The following ANKFN1 variants were observed in gnomAD, a reference collection of about 807,000 sequenced individuals.
ANKFN1 encodes the protein ankyrin repeat and fibronectin type-III domain-containing protein 1.
In ANKFN1, 74 loss-of-function variants were observed where a neutral mutation model predicts 108.7. The ratio of observed to expected loss-of-function variants is 0.68; its 90% CI spans 0.56 to 0.83. ANKFN1 has a LOEUF of 0.83. Ranked by LOEUF, ANKFN1 falls within the 40% of genes least tolerant of loss-of-function variation. The pLI, the probability that ANKFN1 is intolerant of heterozygous loss-of-function variation, is 0.00. For synonymous variants in ANKFN1, 547 were observed against 516.2 expected (o/e 1.06, Z -0.81); for missense variants, 1,505 against 1,382.3 (o/e 1.09, Z -1.41).
intron 11 of ANKFN1, among the ~76,000 whole-genome samples, chr17:56,450,102 G>A (rs575908164): frequency 3.3e-5 from 5 of 152,252 alleles, no homozygotes; most frequent in South Asian, 4.1e-4. Context: ...TCCATTGTGC[G>A]CTGTAGATTT....
intron 1 of ANKFN1, among the ~76,000 whole-genome samples, chr17:56,208,290 G>C (rs1406716900): frequency 1.3e-5 from 2 of 152,164 alleles, no homozygotes; most frequent in Non-Finnish European, 2.9e-5. Context: ...CAAAGTGCTG[G>C]GATTACAGGC....
intron 18 of ANKFN1, among the ~76,000 whole-genome samples, chr17:56,490,206 T>C (rs1360360757): frequency 1.3e-5 from 2 of 152,094 alleles, no homozygotes; most frequent in Non-Finnish European, 2.9e-5. Flanking sequence ...TACAATGTAG[T>C]AGGATAAGTG....
At chr17:56,155,805 T>A (rs982791667) in intron 1 of ANKFN1, among the ~76,000 whole-genome samples, 15 of 152,318 alleles carry the variant, frequency 9.8e-5, no homozygotes, top group African/African-American at 3.4e-4. Flanking sequence ...GGGAAGCCAT[T>A]GGATAAATTT....
intron 3 of ANKFN1, among the ~76,000 whole-genome samples, chr17:56,237,837 T>C (rs1023288215): frequency 6.6e-6 from 1 of 152,170 alleles, no homozygotes; most frequent in African/African-American, 2.4e-5. Flanking sequence ...TGGCTTTCTC[T>C]TGCTTCTCTA....
At chr17:56,285,563 G>A (rs995257409) in intron 3 of ANKFN1, among the ~76,000 whole-genome samples, 2 of 152,116 alleles carry the variant, frequency 1.3e-5, no homozygotes, top group Admixed American at 1.3e-4. Flanking sequence ...GCAGTATAAT[G>A]CTGACATGTT....
chr17:56,415,999 CTG>C (rs1201149084), intron 8 of ANKFN1, among the ~76,000 whole-genome samples: 1 of 152,164 alleles, frequency 6.6e-6, no homozygotes, highest in African/African-American at 2.4e-5. Flanking sequence ...GCTGGGGAAA[CTG>C]GGTATTTATA....
chr17:56,064,295 G>T (rs939156194), intron 4 of ANKFN1, among the ~76,000 whole-genome samples: 1 of 152,204 alleles, frequency 6.6e-6, no homozygotes, highest in Non-Finnish European at 1.5e-5. Flanking sequence ...AAACCCACTC[G>T]TCTGGGCTGC....
chr17:56,429,010 T>G (rs912828121), intron 8 of ANKFN1, among the ~76,000 whole-genome samples: 1 of 152,192 alleles, frequency 6.6e-6, no homozygotes, highest in Non-Finnish European at 1.5e-5. Context: ...GAGTCTGCAC[T>G]GAAGAAGTTC....
At chr17:56,435,246 T>A (rs2145135182) in intron 8 of ANKFN1, among the ~76,000 whole-genome samples, 1 of 152,262 alleles carries the variant, frequency 6.6e-6, no homozygotes, top group Admixed American at 6.5e-5. Context: ...TCACCAAACA[T>A]TTACTGAGCC....
chr17:56,461,938 A>G (rs2049916213), intron 14 of ANKFN1, among the ~76,000 whole-genome samples: 1 of 152,224 alleles, frequency 6.6e-6, no homozygotes. Flanking sequence ...CTGGATGGAT[A>G]GCTCTCCGGT....
At chr17:56,185,492 G>A (rs1034520789) in intron 1 of ANKFN1, among the ~76,000 whole-genome samples, 1 of 152,072 alleles carries the variant, frequency 6.6e-6, no homozygotes, top group African/African-American at 2.4e-5. Context: ...TCGAAGAATG[G>A]GTCAGAGCAG....
intron 8 of ANKFN1, among the ~76,000 whole-genome samples, chr17:56,403,117 A>G (rs11870594): frequency 0.42 from 63,455 of 151,950 alleles, 15,902 homozygotes; most frequent in East Asian, 0.58. Context: ...ATGGCCTATA[A>G]TATGGTCTAT....
intron 3 of ANKFN1, among the ~76,000 whole-genome samples, chr17:56,320,608 T>C (rs1339969630): frequency 3.3e-5 from 5 of 152,046 alleles, no homozygotes; most frequent in African/African-American, 1.2e-4. Context: ...GATTCATAGC[T>C]TGAGAATTCT....
intron 8 of ANKFN1, among the ~76,000 whole-genome samples, chr17:56,414,599 A>T (rs779852747): frequency 1.2e-4 from 19 of 152,234 alleles, no homozygotes; most frequent in Non-Finnish European, 2.4e-4. Flanking sequence ...CAGAGAAAGA[A>T]CTGGTTCGAC....
chr17:56,089,901 G>A (rs987729107), intron 4 of ANKFN1, among the ~76,000 whole-genome samples: 1 of 151,282 alleles, frequency 6.6e-6, no homozygotes, highest in Non-Finnish European at 1.5e-5. Context: ...GCACGTATTG[G>A]CTGGAAAATG....
chr17:56,131,505 T>G (rs1004111183), intron 4 of ANKFN1, among the ~76,000 whole-genome samples: 1 of 152,262 alleles, frequency 6.6e-6, no homozygotes, highest in African/African-American at 2.4e-5. Context: ...CTCTAATTTG[T>G]ATCTCTTTTT....
chr17:56,208,081 C>G (rs532795654), intron 1 of ANKFN1, among the ~76,000 whole-genome samples: 1 of 152,310 alleles, frequency 6.6e-6, no homozygotes, highest in South Asian at 2.1e-4. Flanking sequence ...GCGATTTTGG[C>G]TTGCTGCAAC....
chr17:56,451,377 G>A (rs1410573423), intron 11 of ANKFN1, among the ~76,000 whole-genome samples: 1 of 151,984 alleles, frequency 6.6e-6, no homozygotes, highest in East Asian at 1.9e-4. Context: ...ATGAATCTAA[G>A]ATGATTTAAC....
At chr17:56,368,125 C>T in intron 6 of ANKFN1, 2 of 1,244,172 alleles carry the variant, frequency 1.6e-6, no homozygotes, top group Non-Finnish European at 2.2e-6. Flanking sequence ...GACAATGAGC[C>T]TGATCACTAT....
Sources: allele counts gnomAD v4.1 joint callset (sites outside exome capture counted in the v4.1 genomes callset), GRCh38; gene constraint gnomAD v4.1.1; transcripts MANE v1.5; gene names NCBI Gene and HGNC (gene_info 2026-07-23, HGNC 2026-07-21).